Variants in ZSWIM3 observed in about 807,000 individuals in gnomAD.
The protein encoded by ZSWIM3 is zinc finger SWIM-type containing 3, also known as zinc finger SWIM domain-containing protein 3.
Under a neutral mutation model 47.5 loss-of-function variants are expected in ZSWIM3, and 27 were observed. The ratio of observed to expected loss-of-function variants is 0.57; its 90% CI spans 0.42 to 0.78. The LOEUF (loss-of-function observed/expected upper bound fraction) is 0.78. Among genes scored for constraint, ZSWIM3 ranks in the 30% least tolerant of loss-of-function variants. The pLI, the probability that ZSWIM3 is intolerant of heterozygous loss-of-function variation, is 0.00. For synonymous variants in ZSWIM3, 333 were observed against 333.9 expected (o/e 1.00, Z 0.03); for missense variants, 689 against 861.3 (o/e 0.80, Z 2.50).
intron 1 of ZSWIM3, among the ~76,000 whole-genome samples, chr20:45,871,215 A>G (rs548378976): frequency 6.6e-6 from 1 of 152,296 alleles, no homozygotes; most frequent in African/African-American, 2.4e-5. Flanking sequence ...CAAGATGGGG[A>G]CATGGTTTTA....
At chr20:45,863,667 G>C (rs1985764083) in intron 1 of ZSWIM3, among the ~76,000 whole-genome samples, 1 of 152,150 alleles carries the variant, frequency 6.6e-6, no homozygotes, top group Admixed American at 6.6e-5. Context: ...TTTTACAGAT[G>C]GGGAGACAGA....
chr20:45,864,892 C>T (rs769933712), intron 1 of ZSWIM3, among the ~76,000 whole-genome samples: 5 of 151,626 alleles, frequency 3.3e-5, no homozygotes, highest in South Asian at 4.2e-4. Flanking sequence ...GGTGCAGGGC[C>T]GGGCGTGGTG....
Position 45,877,445 on chromosome 20 carries a change from A to G in ZSWIM3, c.887A>G (p.Glu296Gly). ...PSFHYRAILQ[E>G]IFPAARILLS... ...TTCCATTACCGGGCTATCCTGCAGGAGATCTTTCCTGCTGCCCGCATCCTC... is the reference window on the plus strand; with the variant it reads ...TTCCATTACCGGGCTATCCTGCAGGGGATCTTTCCTGCTGCCCGCATCCTC... Residue 296 changes from glutamate (E) to glycine (G), a missense_variant, in exon 2 of 2, where the codon GAG becomes GGG. Glu to Gly is a moderately conservative substitution (Grantham distance 98). Coordinates refer to ENST00000255152, the MANE Select transcript of ZSWIM3 (RefSeq NM_080752.4). 2.5e-6 allele frequency: 4 copies of G among 1,614,160 alleles called. No individual in the cohort carries two copies. The highest frequency in any genetic ancestry group is 3.4e-6 in the Non-Finnish European group (4 of 1,180,030).
chr20:45,871,718 C>T (rs1036504881), intron 1 of ZSWIM3, among the ~76,000 whole-genome samples: 1 of 150,836 alleles, frequency 6.6e-6, no homozygotes, highest in African/African-American at 2.4e-5. Context: ...AAAAAATAGC[C>T]AGGCATGGTG....
At chr20:45,859,584 A>G (rs1302408774) in intron 1 of ZSWIM3, among the ~76,000 whole-genome samples, 1 of 152,124 alleles carries the variant, frequency 6.6e-6, no homozygotes, top group Non-Finnish European at 1.5e-5. Flanking sequence ...CCATGGAGGC[A>G]TTTGACCAGA....
intron 1 of ZSWIM3, among the ~76,000 whole-genome samples, chr20:45,869,899 C>A (rs1273551539): frequency 6.6e-6 from 1 of 151,580 alleles, no homozygotes; most frequent in Non-Finnish European, 1.5e-5. Flanking sequence ...CAAAAATTAA[C>A]CAGGCGTGGT....
chr20:45,866,238 C>T (rs991785521), intron 1 of ZSWIM3, among the ~76,000 whole-genome samples: 18 of 151,962 alleles, frequency 1.2e-4, no homozygotes, highest in Non-Finnish European at 7.4e-5. Flanking sequence ...GCAGAGGTTG[C>T]AGTGAGCTGA....
chr20:45,874,455 T>G (rs1202763915), intron 1 of ZSWIM3, among the ~76,000 whole-genome samples: 3 of 152,044 alleles, frequency 2.0e-5, no homozygotes, highest in Non-Finnish European at 4.4e-5. Flanking sequence ...GAGGTTGCAG[T>G]GAGCTGAGAT....
chr20:45,868,652 G>A (rs6017709), intron 1 of ZSWIM3, among the ~76,000 whole-genome samples: 18 of 151,838 alleles, frequency 1.2e-4, no homozygotes, highest in African/African-American at 4.3e-4. Context: ...CAAAGTGTTG[G>A]GATTACAGGC....
chr20:45,860,377 A>T (rs927368658), intron 1 of ZSWIM3, among the ~76,000 whole-genome samples: 2 of 152,032 alleles, frequency 1.3e-5, no homozygotes. Flanking sequence ...TAGCTAGGCG[A>T]GGTGGCACAT....
At chr20:45,860,365 A>C (rs971358922) in intron 1 of ZSWIM3, among the ~76,000 whole-genome samples, 17 of 152,038 alleles carry the variant, frequency 1.1e-4, no homozygotes, top group Admixed American at 3.9e-4. Flanking sequence ...AAATACAAAA[A>C]TTAGCTAGGC....
At chr20:45,861,624 G>T (rs1985710953) in intron 1 of ZSWIM3, among the ~76,000 whole-genome samples, 2 of 152,182 alleles carry the variant, frequency 1.3e-5, no homozygotes, top group African/African-American at 2.4e-5. Flanking sequence ...GCCCAGGCTA[G>T]AGTACAGTGG....
chr20:45,877,333 G>A lies in ZSWIM3; in HGVS notation c.775G>A (p.Val259Ile). ...VHFAVLKAET[V>I]TSVAKMLSIF... ...CTTTGCTGTGCTCAAGGCGGAGACA[G>A]TCACCTCTGTGGCCAAGATGCTGAG... The change falls in exon 2 of 2, where the codon GTC (valine) becomes ATC (isoleucine). Residue 259 changes from valine (V) to isoleucine (I), a missense_variant. Physicochemically the swap from Val to Ile is conservative, Grantham distance 29. Transcript: ENST00000255152. 6.2e-7 allele frequency: 1 copy of A among 1,614,196 alleles called. No individual in the cohort carries two copies. The highest frequency in any genetic ancestry group is 8.5e-7 in the Non-Finnish European group (1 of 1,180,026).
chr20:45,863,718 C>G (rs544757064), intron 1 of ZSWIM3, among the ~76,000 whole-genome samples: 3 of 152,286 alleles, frequency 2.0e-5, no homozygotes, highest in African/African-American at 7.2e-5. Context: ...TAGTTTAGGG[C>G]CAGGCGCAGT....
intron 1 of ZSWIM3, among the ~76,000 whole-genome samples, chr20:45,861,404 C>T (rs958244854): frequency 2.1e-5 from 3 of 140,330 alleles, no homozygotes; most frequent in African/African-American, 8.0e-5. Flanking sequence ...GCCTGGGCAA[C>T]AACAGAGTAA....
At chr20:45,859,675 A>C (rs757872347) in intron 1 of ZSWIM3, among the ~76,000 whole-genome samples, 51 of 151,590 alleles carry the variant, frequency 3.4e-4, no homozygotes, top group Non-Finnish European at 5.7e-4. Context: ...ACAGTGAGGG[A>C]TACCATGTTT....
rs1325318059 is a variant in ZSWIM3, at chr20:45,868,872, G to A, written c.156-7842G>A. The stretch of plus-strand genomic sequence containing the variant: ...GGCTGGAGTGAAGTGGCGCAATCTC[G>A]GCTCACTGCAACCTCCACCTCCGGG... On this transcript the variant is annotated intron_variant, in intron 1 of 1. Transcript: ENST00000255152. Among the ~76,000 whole-genome samples the A allele has an allele frequency of 4.6e-5, 7 of 151,686 alleles. No individual in the cohort carries two copies. The East Asian group carries it at 5.8e-4, about 13-fold the overall frequency.
rs769109691 is a variant in ZSWIM3 at position 45,876,724 on chromosome 20, G to T, written c.166G>T (p.Val56Leu). 2 of 1,612,050 alleles carry T rather than the reference G, an allele frequency of 1.2e-6. No individual in the cohort carries two copies. The highest frequency in any genetic ancestry group is 1.3e-5 in the African/African-American group (1 of 74,900). ...CTCTACCTTCCCTAGGTATGTGCAG[G>T]TGAAATTTGTCTGCATTCGGACCCA... ...SIREDILYVQVKFVCIRTQSN... is the reference protein window; with the variant it reads ...SIREDILYVQLKFVCIRTQSN... The change falls in exon 2 of 2, where the codon GTG becomes TTG. Residue 56 changes from valine (V) to leucine (L), a missense_variant. Val to Leu is a conservative substitution (Grantham distance 32, BLOSUM62 1). Transcript: ENST00000255152.
At chr20:45,860,667 A>T (rs945430194) in intron 1 of ZSWIM3, among the ~76,000 whole-genome samples, 2 of 152,114 alleles carry the variant, frequency 1.3e-5, no homozygotes, top group African/African-American at 4.8e-5. Context: ...TGCTTCTGTC[A>T]TCACGTCTCT....
Sources: allele counts gnomAD v4.1 joint callset (sites outside exome capture counted in the v4.1 genomes callset), GRCh38; gene constraint gnomAD v4.1.1; transcripts MANE v1.5; gene names NCBI Gene and HGNC (gene_info 2026-07-23, HGNC 2026-07-21).